ZSWIM3: variants seen among roughly 807,000 people sequenced by gnomAD.
ZSWIM3 encodes zinc finger SWIM-type containing 3.
In ZSWIM3, 27 loss-of-function variants were observed where a neutral mutation model predicts 47.5. The ratio of observed to expected loss-of-function variants is 0.57; its 90% CI spans 0.42 to 0.78. The LOEUF is 0.78. Among genes scored for constraint, ZSWIM3 ranks in the 30% least tolerant of loss-of-function variants. ZSWIM3 has a pLI of 0.00. For missense variants in ZSWIM3, 689 were observed against 861.3 expected, an observed-to-expected ratio of 0.80 and a Z score of 2.50; for synonymous variants, 333 against 333.9, an observed-to-expected ratio of 1.00 and a Z score of 0.03.
chr20:45,871,232 C>G (rs1476462720), intron 1 of ZSWIM3, among the ~76,000 whole-genome samples: 1 of 152,180 alleles, frequency 6.6e-6, no homozygotes, highest in African/African-American at 2.4e-5. Context: ...TTTATACTTT[C>G]CTGAATCTCC....
intron 1 of ZSWIM3, among the ~76,000 whole-genome samples, chr20:45,868,863 C>T (rs144731061): frequency 0.014 from 2,184 of 151,870 alleles, 39 homozygotes; most frequent in African/African-American, 0.048. Context: ...AGTGAAGTGG[C>T]GCAATCTCGG....
Position 45,857,639 on chromosome 20 carries a change from C to G in ZSWIM3, c.-187C>G. ...GTCAGATAGCAAATACACCCCCTTC[C>G]TCTTGTAACCCGGTCAGGCCTAGGG... On this transcript the variant is annotated 5_prime_UTR_variant, in exon 1 of 2. Coordinates refer to ENST00000255152, the MANE Select transcript of ZSWIM3 (RefSeq NM_080752.4). The G allele has an allele frequency of 1.4e-6, 1 of 730,422 alleles. No individual in the cohort carries two copies. Among genetic ancestry groups the G allele is most frequent in the Non-Finnish European group, 2.3e-6 (1 of 434,742 alleles). 45.2% of individuals were successfully genotyped at this position (730,422 alleles called of 1,614,324 possible).
At chr20:45,866,168 G>C (rs140818460) in intron 1 of ZSWIM3, among the ~76,000 whole-genome samples, 450 of 152,000 alleles carry the variant, frequency 3.0e-3, no homozygotes, top group Non-Finnish European at 5.8e-3. Context: ...CGGGTGTGGT[G>C]GTGGGCACCT....
At position 45,877,604 on chromosome 20, in the gene ZSWIM3, A is replaced by G. The variant is rs201674097; in HGVS notation, c.1046A>G (p.Asn349Ser). Residue 349 changes from asparagine (N) to serine (S), a missense_variant, in exon 2 of 2, where the codon AAT becomes AGT. Asn to Ser is a conservative substitution (Grantham distance 46). Transcript: ENST00000255152. ...GTCACTTCTGAAGCCAGCCTGAAAA[A>G]TCTCTGCCAGATGTCCCAGGCCGTA... is the stretch of plus-strand genomic sequence containing the variant. ...VFVTSEASLK[N>S]LCQMSQAVLD... 400 of 1,613,886 alleles carry G rather than the reference A, an allele frequency of 2.5e-4. 2 individuals carry two copies. The highest frequency in any genetic ancestry group is 4.9e-4 in the Middle Eastern group (3 of 6,084).
chr20:45,877,141 G>A lies in ZSWIM3; in HGVS notation c.583G>A (p.Gly195Ser), dbSNP rs976036566. 1.2e-6 allele frequency: 2 copies of A among 1,614,124 alleles called. No individual in the cohort carries two copies. The highest frequency in any genetic ancestry group is 8.5e-7 in the Non-Finnish European group (1 of 1,180,034). ...GGGTTCCATGGCTTCCTTCAGTGTG[G>A]GTGACAGCCAGCACCTGGACCGGCT... ...DEGSMASFSV[G>S]DSQHLDRLSF... Residue 195 changes from glycine (G) to serine (S), a missense_variant, in exon 2 of 2, where the codon GGT becomes AGT. Transcript: ENST00000255152.
intron 1 of ZSWIM3, among the ~76,000 whole-genome samples, chr20:45,866,898 A>C (rs980307142): frequency 2.6e-5 from 4 of 151,486 alleles, no homozygotes; most frequent in African/African-American, 9.7e-5. Context: ...TATGTAGTAG[A>C]AAGTGGTAGT....
At chr20:45,870,339 CAA>C (rs11473047) in intron 1 of ZSWIM3, among the ~76,000 whole-genome samples, 2 of 143,774 alleles carry the variant, frequency 1.4e-5, no homozygotes, top group Non-Finnish European at 1.5e-5. Context: ...GACTCCGTCT[CAA>C]AAAAAAAAAA....
chr20:45,867,843 C>T (rs898905924), intron 1 of ZSWIM3, among the ~76,000 whole-genome samples: 12 of 152,170 alleles, frequency 7.9e-5, no homozygotes, highest in Non-Finnish European at 1.5e-4. Context: ...CATTTGTAAA[C>T]ACTTTGTTGG....
intron 1 of ZSWIM3, among the ~76,000 whole-genome samples, chr20:45,860,283 G>C (rs574200090): frequency 1.7e-3 from 255 of 152,252 alleles, no homozygotes; most frequent in African/African-American, 5.7e-3. Context: ...GGGAGGCCAA[G>C]GTGGGCAGAT....
chr20:45,857,657 G>T lies in ZSWIM3; in HGVS notation c.-169G>T. On this transcript the variant is annotated 5_prime_UTR_variant, in exon 1 of 2. Coordinates refer to ENST00000255152, the MANE Select transcript of ZSWIM3 (RefSeq NM_080752.4). Reference sequence around the variant, plus strand: ...CCCCTTCCTCTTGTAACCCGGTCAGGCCTAGGGTTCCTCCCTGAGTTCCAG... The same window carrying T: ...CCCCTTCCTCTTGTAACCCGGTCAGTCCTAGGGTTCCTCCCTGAGTTCCAG... 1.2e-6 allele frequency: 1 copy of T among 800,982 alleles called. No homozygotes were observed. Among genetic ancestry groups the T allele is most frequent in the Non-Finnish European group, 2.0e-6 (1 of 492,762 alleles). The allele number at this position is 800,982 out of a possible 1,614,324, so 49.6% of individuals were successfully genotyped here.
At chr20:45,876,616 G>C in intron 1 of ZSWIM3, 98 bp from the exon 2 acceptor site, 1 of 1,452,082 alleles carries the variant, frequency 6.9e-7, no homozygotes, top group South Asian at 1.4e-5. Flanking sequence ...TGGGGTTATA[G>C]GCATGAGCCA....
chr20:45,871,893 T>C (rs544163059), intron 1 of ZSWIM3, among the ~76,000 whole-genome samples: 1 of 150,926 alleles, frequency 6.6e-6, no homozygotes, highest in East Asian at 1.9e-4. Context: ...AAAAAGTATG[T>C]TTAGAGATCC....
intron 1 of ZSWIM3, among the ~76,000 whole-genome samples, chr20:45,875,033 A>T (rs1247118309): frequency 5.4e-5 from 7 of 128,632 alleles, no homozygotes; most frequent in Non-Finnish European, 1.1e-4. Context: ...TTTTAATTTT[A>T]ACTTTTTTTT....
Position 45,877,856 on chromosome 20 carries a change from A to T in ZSWIM3, c.1298A>T (p.Asn433Ile). ...IDFFNTKGLK[N>I]LPTPPPKLKR... is the part of the protein sequence containing the mutation. The stretch of plus-strand genomic sequence containing the variant: ...TTCTTTAATACCAAAGGCTTGAAGA[A>T]CTTGCCCACACCTCCTCCCAAATTA... Residue 433 changes from asparagine (N) to isoleucine (I), a missense_variant, in exon 2 of 2, where the codon AAC (asparagine) becomes ATC (isoleucine). Physicochemically the swap from Asn to Ile is moderately radical, Grantham distance 149 (BLOSUM62 -3). Transcript: ENST00000255152. The T allele has an allele frequency of 1.2e-6, 2 of 1,614,152 alleles. No individual in the cohort carries two copies. The highest frequency in any genetic ancestry group is 1.3e-5 in the African/African-American group (1 of 75,050).
At chr20:45,865,524 T>C (rs1985817757) in intron 1 of ZSWIM3, among the ~76,000 whole-genome samples, 1 of 151,922 alleles carries the variant, frequency 6.6e-6, no homozygotes, top group Non-Finnish European at 1.5e-5. Context: ...AAATATTATA[T>C]GGGTGGCTAT....
chr20:45,859,792 C>CAAAAAAAAA (rs765560893), intron 1 of ZSWIM3, among the ~76,000 whole-genome samples: 5 of 52,096 alleles, frequency 9.6e-5, no homozygotes, highest in African/African-American at 2.5e-4. Flanking sequence ...GAGAGGAATA[C>CAAAAAAAAA]AAAAAAAAAA....
chr20:45,870,266 G>A (rs1985943817), intron 1 of ZSWIM3, among the ~76,000 whole-genome samples: 1 of 152,000 alleles, frequency 6.6e-6, no homozygotes, highest in Non-Finnish European at 1.5e-5. Flanking sequence ...CTTGAACCCG[G>A]GAGGCGGAGG....
chr20:45,864,509 A>T (rs1046369616), intron 1 of ZSWIM3, among the ~76,000 whole-genome samples: 11 of 152,210 alleles, frequency 7.2e-5, no homozygotes, highest in Admixed American at 3.3e-4. Flanking sequence ...ATTAATACTT[A>T]TGTGAAAATG....
At chr20:45,870,254 C>G (rs975953619) in intron 1 of ZSWIM3, among the ~76,000 whole-genome samples, 10 of 151,726 alleles carry the variant, frequency 6.6e-5, no homozygotes, top group Non-Finnish European at 1.2e-4. Context: ...GCAGGAGAAT[C>G]GCTTGAACCC....
Sources: gnomAD v4.1 joint callset for allele counts (sites outside exome capture counted in the v4.1 genomes callset) on GRCh38, gnomAD v4.1.1 for gene constraint, MANE v1.5 for transcripts, NCBI Gene and HGNC (gene_info 2026-07-23, HGNC 2026-07-21) for gene names.